Variants in HTR1F observed in about 807,000 individuals in gnomAD.
The protein encoded by HTR1F is 5-hydroxytryptamine receptor 1F, also known as 5-hydroxytryptamine (serotonin) receptor 1F, G protein-coupled.
Under a neutral mutation model 24.0 loss-of-function variants are expected in HTR1F, and 17 were observed. That is an observed-to-expected ratio of 0.71 (90% CI 0.48 to 1.06). The LOEUF is 1.06. HTR1F is among the 50% of genes least tolerant of loss of function. The pLI is 0.00. For synonymous variants in HTR1F, 186 were observed against 156.8 expected, an observed-to-expected ratio of 1.19 and a Z score of -1.39; for missense variants, 391 against 427.8, an observed-to-expected ratio of 0.91 and a Z score of 0.76.
At position 87,917,570 on chromosome 3, in the gene HTR1F, G is replaced by A. The variant is rs549242459; in HGVS notation, c.-42-73138G>A. ...CACAGAAATGCAAAAGATCATACAA[G>A]GCTACAATGAACAACTTTATGTGCA... On this transcript the variant is annotated intron_variant, in intron 2 of 2. Transcript: ENST00000319595. Among the ~76,000 whole-genome samples the A allele has an allele frequency of 3.6e-4, 54 of 151,860 alleles. 1 individual carries two copies. The South Asian group carries it at 0.011, about 32-fold the overall frequency.
At chr3:87,917,938 T>C (rs375383094) in intron 2 of HTR1F, among the ~76,000 whole-genome samples, 26 of 152,060 alleles carry the variant, frequency 1.7e-4, no homozygotes, top group African/African-American at 5.8e-4. Context: ...TACAGACCAA[T>C]ATCCCTGATG....
intron 2 of HTR1F, among the ~76,000 whole-genome samples, chr3:87,897,230 A>AT (rs1559622873): frequency 7.6e-6 from 1 of 132,028 alleles, no homozygotes; most frequent in African/African-American, 3.3e-5. Context: ...TATATATATA[A>AT]ATGTTTTATA....
At chr3:87,857,834 AAGGTAACATATTCAC>A (rs1705228547) in intron 2 of HTR1F, among the ~76,000 whole-genome samples, 1 of 152,164 alleles carries the variant, frequency 6.6e-6, no homozygotes, top group Non-Finnish European at 1.5e-5. Context: ...TTCCCCATGT[AAGGTAACATATTCAC>A]AGGCTCTGGG....
At chr3:87,888,068 C>A (rs1252441212) in intron 2 of HTR1F, among the ~76,000 whole-genome samples, 1 of 152,112 alleles carries the variant, frequency 6.6e-6, no homozygotes, top group Non-Finnish European at 1.5e-5. Context: ...TGGAACCAAC[C>A]CAGATGTCCA....
At chr3:87,919,598 A>T (rs1268991607) in intron 2 of HTR1F, among the ~76,000 whole-genome samples, 1 of 152,040 alleles carries the variant, frequency 6.6e-6, no homozygotes, top group East Asian at 1.9e-4. Flanking sequence ...TATACAAATG[A>T]CCAACAAACA....
At chr3:87,961,692 GACA>G (rs776370843) in intron 2 of HTR1F, among the ~76,000 whole-genome samples, 11 of 151,766 alleles carry the variant, frequency 7.2e-5, no homozygotes, top group Non-Finnish European at 1.2e-4. Flanking sequence ...CACCCAGCGA[GACA>G]ACTTCACTGT....
At chr3:87,826,663 C>T (rs17025015) in intron 2 of HTR1F, among the ~76,000 whole-genome samples, 42,865 of 152,000 alleles carry the variant, frequency 0.28, 6,229 homozygotes, top group East Asian at 0.45. Flanking sequence ...ACTTCGATAA[C>T]GTCTCTTTAA....
At chr3:87,925,272 A>C (rs1576038179) in intron 2 of HTR1F, among the ~76,000 whole-genome samples, 1 of 152,138 alleles carries the variant, frequency 6.6e-6, no homozygotes, top group East Asian at 1.9e-4. Flanking sequence ...TGGGCAGAAC[A>C]GTCCTTGGAC....
At chr3:87,929,598 T>C (rs1456986411) in intron 2 of HTR1F, among the ~76,000 whole-genome samples, 1 of 152,190 alleles carries the variant, frequency 6.6e-6, no homozygotes, top group African/African-American at 2.4e-5. Context: ...TTGTGGAAGA[T>C]CAGATGGTTG....
intron 2 of HTR1F, among the ~76,000 whole-genome samples, chr3:87,868,203 G>C (rs1457674534): frequency 3.3e-5 from 5 of 152,024 alleles, no homozygotes; most frequent in Admixed American, 3.3e-4. Context: ...TCTGACATTA[G>C]TTGGATCTCA....
At chr3:87,860,067 C>T (rs1705283791) in intron 2 of HTR1F, among the ~76,000 whole-genome samples, 1 of 152,150 alleles carries the variant, frequency 6.6e-6, no homozygotes, top group Non-Finnish European at 1.5e-5. Context: ...TACACCTTGG[C>T]ATTGAAGGTT....
At chr3:87,956,790 A>G (rs1280557595) in intron 2 of HTR1F, among the ~76,000 whole-genome samples, 1 of 151,410 alleles carries the variant, frequency 6.6e-6, no homozygotes, top group Admixed American at 6.6e-5. Context: ...TTGCTATTAT[A>G]TAAAACTACA....
intron 2 of HTR1F, among the ~76,000 whole-genome samples, chr3:87,942,583 A>AG (rs1306389716): frequency 3.3e-5 from 5 of 152,156 alleles, no homozygotes; most frequent in African/African-American, 1.2e-4. Context: ...GGCTTGGATG[A>AG]GGGGGTGGCT....
At chr3:87,957,914 CTT>C (rs1012020807) in intron 2 of HTR1F, among the ~76,000 whole-genome samples, 6 of 151,050 alleles carry the variant, frequency 4.0e-5, no homozygotes, top group African/African-American at 1.5e-4. Flanking sequence ...GATGTCAGCT[CTT>C]ATTTTATTAT....
chr3:87,806,307 A>G (rs1704072650), intron 1 of HTR1F, among the ~76,000 whole-genome samples: 1 of 152,036 alleles, frequency 6.6e-6, no homozygotes, highest in African/African-American at 2.4e-5. Flanking sequence ...TTTTTGGGAA[A>G]TCTCCATACT....
At chr3:87,868,984 A>T (rs1263998663) in intron 2 of HTR1F, among the ~76,000 whole-genome samples, 1 of 152,086 alleles carries the variant, frequency 6.6e-6, no homozygotes, top group African/African-American at 2.4e-5. Flanking sequence ...GAAAAATTGA[A>T]ATAGCATGAA....
chr3:87,940,023 A>C (rs1321040150), intron 2 of HTR1F, among the ~76,000 whole-genome samples: 1 of 152,202 alleles, frequency 6.6e-6, no homozygotes, highest in Non-Finnish European at 1.5e-5. Flanking sequence ...TTCCCTCTAA[A>C]CACTGCTTTA....
At chr3:87,919,241 T>C (rs1173371246) in intron 2 of HTR1F, among the ~76,000 whole-genome samples, 3 of 152,164 alleles carry the variant, frequency 2.0e-5, no homozygotes, top group Non-Finnish European at 4.4e-5. Context: ...ATTAAGGACT[T>C]AAATCTAAGA....
At chr3:87,925,436 G>A (rs1704103364) in intron 2 of HTR1F, among the ~76,000 whole-genome samples, 1 of 152,168 alleles carries the variant, frequency 6.6e-6, no homozygotes, top group East Asian at 1.9e-4. Flanking sequence ...GGGGATGCAG[G>A]GCACTGTGTG....
Sources: gnomAD v4.1 joint callset for allele counts (sites outside exome capture counted in the v4.1 genomes callset) on GRCh38, gnomAD v4.1.1 for gene constraint, MANE v1.5 for transcripts, NCBI Gene and HGNC (gene_info 2026-07-23, HGNC 2026-07-21) for gene names.